The following TRPC1 variants were observed in gnomAD, a reference collection of about 807,000 sequenced individuals.
The protein encoded by TRPC1 is transient receptor potential cation channel subfamily C member 1.
In TRPC1, 42 loss-of-function variants were observed where a neutral mutation model predicts 88.2. The observed-to-expected ratio is 0.48, with a 90% CI of 0.37 to 0.62. TRPC1 has a LOEUF of 0.62. Ranked by LOEUF, TRPC1 falls within the 20% of genes least tolerant of loss-of-function variation. The probability of loss-of-function intolerance (pLI) is 0.00; values close to 1 mark genes in which losing one functional copy is unlikely to be tolerated. For synonymous variants in TRPC1, 288 were observed against 331.8 expected, an observed-to-expected ratio of 0.87 and a Z score of 1.43; for missense variants, 699 against 957.3, an observed-to-expected ratio of 0.73 and a Z score of 3.56.
intron 4 of TRPC1, among the ~76,000 whole-genome samples, 192 bp downstream of exon 4, chr3:142,748,652 T>C (rs1039226995): frequency 2.0e-5 from 3 of 152,362 alleles, no homozygotes; most frequent in Admixed American, 1.3e-4. Flanking sequence ...AAATGCTGAA[T>C]AATTGCAAAA....
rs1443561769 is a variant in TRPC1, at chr3:142,792,244, C to T, written c.1438-580C>T. ...CTCTTTCGTTCTATAAGTGGAGTAC[C>T]CATATAATTTTTTATCCAAATCAGG... On this transcript the variant is annotated intron_variant, in intron 8 of 12. Transcript: ENST00000476941. This position sits in a 1 kb window ranked among gnomAD's most constrained non-coding sequence, Gnocchi z 4.0. Among the ~76,000 whole-genome samples the T allele has an allele frequency of 6.6e-6, 1 of 151,798 alleles. No homozygotes were observed. Among genetic ancestry groups the T allele is most frequent in the East Asian group, 1.9e-4 (1 of 5,190 alleles).
intron 2 of TRPC1, among the ~76,000 whole-genome samples, chr3:142,738,276 A>G (rs1934215146): frequency 6.6e-6 from 1 of 152,172 alleles, no homozygotes; most frequent in Non-Finnish European, 1.5e-5. Context: ...TGTCCAGGTT[A>G]CCTGTGTCTT....
chr3:142,747,379 A>G (rs1039810768), intron 3 of TRPC1, among the ~76,000 whole-genome samples: 2 of 152,240 alleles, frequency 1.3e-5, no homozygotes, highest in African/African-American at 4.8e-5. Context: ...CGATAGTTAT[A>G]AAATAGTCAA....
intron 4 of TRPC1, among the ~76,000 whole-genome samples, chr3:142,757,738 C>G (rs1392571577): frequency 6.6e-6 from 1 of 152,104 alleles, no homozygotes; most frequent in Non-Finnish European, 1.5e-5. Context: ...GTGCAGCAAA[C>G]CACCATGGCA....
At chr3:142,774,527 A>G (rs1414401041) in intron 4 of TRPC1, among the ~76,000 whole-genome samples, 2 of 152,192 alleles carry the variant, frequency 1.3e-5, no homozygotes, top group African/African-American at 4.8e-5. Flanking sequence ...CAAGTATACC[A>G]GCTACAGGAT....
At chr3:142,736,338 A>C (rs201905055) in intron 1 of TRPC1, 41 bp from the exon 2 acceptor site, 1 of 1,443,684 alleles carries the variant, frequency 6.9e-7, no homozygotes, top group Non-Finnish European at 9.2e-7. Flanking sequence ...CTTACTTGAT[A>C]TGTCACGGAT....
intron 3 of TRPC1, among the ~76,000 whole-genome samples, chr3:142,744,135 A>G (rs966835610): frequency 2.0e-5 from 3 of 152,158 alleles, no homozygotes; most frequent in African/African-American, 7.2e-5. Context: ...CAAATTGGTG[A>G]AAAACATATT....
chr3:142,790,545 T>C (rs1256069448), intron 7 of TRPC1, among the ~76,000 whole-genome samples: 3 of 152,168 alleles, frequency 2.0e-5, no homozygotes, highest in African/African-American at 7.2e-5. Context: ...TAGATGATAT[T>C]TAAAGCCATT....
chr3:142,735,808 G>A (rs1156689371), intron 1 of TRPC1, among the ~76,000 whole-genome samples: 1 of 152,036 alleles, frequency 6.6e-6, no homozygotes, highest in African/African-American at 2.4e-5. Flanking sequence ...AGGGTGGGAA[G>A]TAGGGAAGAG....
intron 4 of TRPC1, among the ~76,000 whole-genome samples, chr3:142,766,550 A>G (rs1935397976): frequency 6.6e-6 from 1 of 151,922 alleles, no homozygotes; most frequent in Non-Finnish European, 1.5e-5. Flanking sequence ...ACAGGCATGT[A>G]CCACCATGCC....
intron 12 of TRPC1, among the ~76,000 whole-genome samples, chr3:142,805,498 G>C (rs370771336): frequency 1.3e-5 from 2 of 152,126 alleles, no homozygotes; most frequent in East Asian, 3.9e-4. Context: ...TACAGTAAGA[G>C]AGAAAACAAA....
rs138646038 is a variant in TRPC1, at chr3:142,795,133, C to T, written c.1581+2166C>T. ...CCTTGTAGAAAAACACATTAGTAAA[C>T]TCGAATAGGTAACAATAGAAACTAT... On this transcript the variant is annotated intron_variant, in intron 9 of 12. Coordinates refer to ENST00000476941, the MANE Select transcript of TRPC1 (RefSeq NM_001251845.2). Among the ~76,000 whole-genome samples, 466 of 151,980 alleles carry T rather than the reference C, an allele frequency of 3.1e-3. 3 individuals are homozygous for T. The highest frequency in any genetic ancestry group is 0.011 in the African/African-American group (441 of 41,488).
At chr3:142,730,883 A>T (rs2108010257) in intron 1 of TRPC1, among the ~76,000 whole-genome samples, 1 of 152,262 alleles carries the variant, frequency 6.6e-6, no homozygotes, top group Middle Eastern at 3.4e-3. Flanking sequence ...TTGACATTAA[A>T]TTCTCTCACA....
Position 142,743,525 on chromosome 3 carries a change from T to A in TRPC1, c.368T>A (p.Val123Glu), listed in dbSNP as rs1427523343. Residue 123 changes from valine to glutamate, a missense_variant, in exon 3 of 13, where the codon GTG becomes GAG. Val to Glu is a moderately radical substitution (Grantham distance 121). Transcript: ENST00000476941. Reference protein sequence around the residue: ...ALLVAIDSEVVGAVDILLNHR... With the variant: ...ALLVAIDSEVEGAVDILLNHR... ...TTGGTGGCAATCGACTCTGAAGTAG[T>A]GGGAGCTGTTGATATACTACTTAAT... 1 of 1,527,820 alleles carries A rather than the reference T, an allele frequency of 6.5e-7. No homozygotes were observed. The highest frequency in any genetic ancestry group is 1.2e-5 in the South Asian group (1 of 82,104). 94.6% of individuals were successfully genotyped at this position (1,527,820 alleles called of 1,614,324 possible). A position where few individuals can be genotyped will look rare whatever the true frequency, so the allele number is the denominator to read the frequency against.
chr3:142,731,901 T>C (rs991331207), intron 1 of TRPC1, among the ~76,000 whole-genome samples: 7 of 152,210 alleles, frequency 4.6e-5, no homozygotes, highest in Non-Finnish European at 8.8e-5. Context: ...AATTTCAGTG[T>C]CCATAAACAA....
intron 7 of TRPC1, among the ~76,000 whole-genome samples, chr3:142,790,078 A>G (rs1165593548): frequency 6.6e-6 from 1 of 152,114 alleles, no homozygotes; most frequent in Non-Finnish European, 1.5e-5. Flanking sequence ...AGAGTTTGCA[A>G]TTTTAAATAG....
chr3:142,776,987 T>TG lies in TRPC1; in HGVS notation c.633-645_633-644insG, dbSNP rs1935797417. 1.3e-5 allele frequency among the ~76,000 whole-genome samples: 2 copies of TG among 151,610 alleles called. No individual in the cohort carries two copies. Among genetic ancestry groups the TG allele is most frequent in the Non-Finnish European group, 2.9e-5 (2 of 67,916 alleles). On this transcript the variant is annotated intron_variant, in intron 4 of 12. Coordinates refer to ENST00000476941, the MANE Select transcript of TRPC1 (RefSeq NM_001251845.2). The surrounding 1 kb of genome is among the most constrained non-coding windows in gnomAD (Gnocchi z 4.1). ...CATCAAATCCACATCATATTAAAAA[T>TG]TTATGTTATTAGCATATTTTATTTA... is the stretch of plus-strand genomic sequence containing the variant.
chr3:142,744,818 T>G (rs998313124), intron 3 of TRPC1, among the ~76,000 whole-genome samples: 1 of 152,232 alleles, frequency 6.6e-6, no homozygotes, highest in Non-Finnish European at 1.5e-5. Context: ...GCTAATTTTA[T>G]TGTTTTTTAA....
At position 142,806,336 on chromosome 3, in the gene TRPC1, G is replaced by T. The variant is rs1002110570; in HGVS notation, c.*101G>T. The T allele has an allele frequency of 4.5e-6, 4 of 894,230 alleles. No homozygotes were observed. The highest frequency in any genetic ancestry group is 3.4e-5 in the African/African-American group (2 of 58,836). 55.4% of individuals were successfully genotyped at this position (894,230 alleles called of 1,614,324 possible). On this transcript the variant is annotated 3_prime_UTR_variant, in exon 13 of 13. Transcript: ENST00000476941. The stretch of plus-strand genomic sequence containing the variant: ...TTAATGAGATATATATTGAAATAAA[G>T]AATTATGTAAAAGCCATTCTTTAAA...
Sources: gnomAD v4.1 joint callset for allele counts (sites outside exome capture counted in the v4.1 genomes callset) on GRCh38, gnomAD v4.1.1 for gene constraint, Gnocchi (gnomAD v3.1) non-coding constraint, MANE v1.5 for transcripts, NCBI Gene and HGNC (gene_info 2026-07-23, HGNC 2026-07-21) for gene names.